The following NPHP4 variants were observed in gnomAD, a reference collection of about 807,000 sequenced individuals.
The protein encoded by NPHP4 is nephrocystin-4.
NPHP4 carries 151 observed loss-of-function variants against 155.8 expected under a neutral mutation model. That is an observed-to-expected ratio of 0.97 (90% CI 0.85 to 1.11). The LOEUF is 1.11. Among genes scored for constraint, NPHP4 ranks in the 50% least tolerant of loss-of-function variants. NPHP4 has a pLI of 0.00. For synonymous variants in NPHP4, 845 were observed against 816.8 expected, an observed-to-expected ratio of 1.03 and a Z score of -0.59; for missense variants, 1,956 against 1,925.7, an observed-to-expected ratio of 1.02 and a Z score of -0.29.
chr1:5,865,558 C>CCT (rs1641133271), intron 26 of NPHP4: 1 of 368,524 alleles, frequency 2.7e-6, no homozygotes, highest in African/African-American at 2.0e-5. Flanking sequence ...AACCACATGT[C>CCT]AAACAAATGA....
intron 6 of NPHP4, among the ~76,000 whole-genome samples, chr1:5,960,600 G>A (rs905465): frequency 1.2e-3 from 189 of 152,096 alleles, no homozygotes; most frequent in African/African-American, 4.2e-3. Flanking sequence ...CAAGACACCC[G>A]AGGTTCTGGT....
At chr1:5,884,181 C>T (rs557364945) in intron 18 of NPHP4, among the ~76,000 whole-genome samples, 1 of 152,174 alleles carries the variant, frequency 6.6e-6, no homozygotes, top group Admixed American at 6.5e-5. Context: ...CGCACCAACA[C>T]GTTTGCTGCA....
intron 23 of NPHP4, among the ~76,000 whole-genome samples, 156 bp downstream of exon 23, chr1:5,873,096 C>G (rs1009788645): frequency 6.6e-6 from 1 of 152,152 alleles, no homozygotes; most frequent in African/African-American, 2.4e-5. Context: ...CCCTGCCCAG[C>G]GAGGACACGG....
chr1:5,888,406 T>C, intron 17 of NPHP4: 1 of 1,086,712 alleles, frequency 9.2e-7, no homozygotes, highest in African/African-American at 1.7e-5. Context: ...ATTTTGTAAT[T>C]CTCCAGTTTC....
rs560944258 is a variant in NPHP4, at chr1:5,865,160, C to T, written c.3758G>A (p.Arg1253Gln). ...GQLTRLSLVL[R>Q]GTQTVRKVRA... ...CACTTTCCTCACTGTCTGTGTCCCC[C>T]GAAGGACAAGGGACAGGCGGGTCAG... The change falls in exon 27 of 30, where the codon CGG becomes CAG. Residue 1253 changes from arginine to glutamine, a missense_variant. Physicochemically the swap from Arg to Gln is conservative, Grantham distance 43. Transcript: ENST00000378156. The T allele has an allele frequency of 1.8e-4, 296 of 1,613,646 alleles. 5 individuals carry two copies. The South Asian group carries it at 2.9e-3, about 16-fold the overall frequency.
intron 20 of NPHP4, among the ~76,000 whole-genome samples, chr1:5,875,316 T>C (rs1202118041): frequency 2.0e-4 from 28 of 143,424 alleles, no homozygotes; most frequent in Non-Finnish European, 6.0e-5. Flanking sequence ...ATCTGCTGGC[T>C]GTGTCCCTGA....
chr1:5,949,660 C>G (rs1647565041), intron 7 of NPHP4, among the ~76,000 whole-genome samples: 1 of 151,840 alleles, frequency 6.6e-6, no homozygotes, highest in African/African-American at 2.4e-5. Flanking sequence ...CAGAGGACCC[C>G]GTCCAGACCT....
intron 25 of NPHP4, 63 bp downstream of exon 25, chr1:5,866,967 G>T: frequency 7.7e-7 from 1 of 1,291,836 alleles, no homozygotes; most frequent in Non-Finnish European, 1.1e-6. Flanking sequence ...CCGTGGGGAA[G>T]CCGACAGGGG....
chr1:5,875,047 G>A lies in NPHP4; in HGVS notation c.2871C>T (p.Ala957=), dbSNP rs748561999. ...QHLRDLQVIA[A]YRERTKAESI... ...TCTCGGCCTTCGTGCGTTCCCGGTA[G>A]GCGGCGATGACCTGTAGGTCCCGCA... is the stretch of plus-strand genomic sequence containing the variant. Residue 957 remains alanine (A), a synonymous_variant, in exon 21 of 30, where the codon GCC becomes GCT. Transcript: ENST00000378156. 1.6e-5 allele frequency: 25 copies of A among 1,608,520 alleles called. No homozygotes were observed. In the East Asian group the frequency reaches 4.0e-4, roughly 26 times the overall value.
chr1:5,895,297 C>T (rs900094361), intron 16 of NPHP4, among the ~76,000 whole-genome samples: 4 of 150,498 alleles, frequency 2.7e-5, no homozygotes, highest in African/African-American at 9.9e-5. Flanking sequence ...CAAACCTGCA[C>T]GTTGGGCACG....
At chr1:5,902,237 G>C (rs1455805874) in intron 16 of NPHP4, among the ~76,000 whole-genome samples, 1 of 152,202 alleles carries the variant, frequency 6.6e-6, no homozygotes, top group Non-Finnish European at 1.5e-5. Flanking sequence ...CTGCCCACAG[G>C]AGAGAATGCA....
intron 23 of NPHP4, chr1:5,868,178 A>C: frequency 2.0e-6 from 1 of 498,414 alleles, no homozygotes; most frequent in Non-Finnish European, 3.8e-6. Context: ...CACTTCTTAA[A>C]TGCCAGTGGA....
chr1:5,942,913 CG>C (rs535178735), intron 9 of NPHP4, among the ~76,000 whole-genome samples: 198 of 152,322 alleles, frequency 1.3e-3, no homozygotes, highest in African/African-American at 4.4e-3. Context: ...AGACATGAAA[CG>C]CAGCCAAGAC....
intron 18 of NPHP4, chr1:5,880,664 G>A: frequency 4.9e-6 from 1 of 204,922 alleles, no homozygotes; most frequent in Non-Finnish European, 1.0e-5. Context: ...CACACCCAGG[G>A]TGAAAGAGCC....
At chr1:5,907,050 C>T in intron 13 of NPHP4, 65 bp downstream of exon 13, 2 of 997,636 alleles carry the variant, frequency 2.0e-6, no homozygotes, top group Non-Finnish European at 2.9e-6. Flanking sequence ...GTGCAAAAAC[C>T]CAAAATGAGG....
intron 5 of NPHP4, among the ~76,000 whole-genome samples, chr1:5,965,797 TAGTCTACGG>T (rs1651389790): frequency 6.6e-6 from 1 of 152,158 alleles, no homozygotes. Context: ...CTCTTCTGGA[TAGTCTACGG>T]AGGGCATGCA....
chr1:5,927,586 C>T lies in NPHP4; in HGVS notation c.1441+63G>A, dbSNP rs569643298. The T allele has an allele frequency of 4.1e-5, 63 of 1,525,822 alleles. No individual in the cohort carries two copies. The African/African-American group carries it at 4.6e-4, about 11-fold the overall frequency. 94.5% of individuals were successfully genotyped at this position (1,525,822 alleles called of 1,614,324 possible). On this transcript the variant is annotated intron_variant, in intron 11 of 29. Coordinates refer to ENST00000378156, the MANE Select transcript of NPHP4 (RefSeq NM_015102.5). ...CCGTACTAGACTAAGTACCTTTCCC[C>T]GGGAAGAGATGGAAGTGCTGCCTGC... is the stretch of plus-strand genomic sequence containing the variant.
intron 11 of NPHP4, among the ~76,000 whole-genome samples, chr1:5,920,233 A>C (rs977459312): frequency 6.6e-6 from 1 of 151,762 alleles, no homozygotes; most frequent in African/African-American, 2.4e-5. Flanking sequence ...GCCCGGCCTT[A>C]AGTTTTTTGT....
At chr1:5,977,653 C>G (rs1486127070) in intron 3 of NPHP4, among the ~76,000 whole-genome samples, 5 of 150,844 alleles carry the variant, frequency 3.3e-5, no homozygotes, top group African/African-American at 1.2e-4. Flanking sequence ...GTGCAGTGAA[C>G]CACAGAGACA....
Sources: allele counts gnomAD v4.1 joint callset (sites outside exome capture counted in the v4.1 genomes callset), GRCh38; gene constraint gnomAD v4.1.1; transcripts MANE v1.5; gene names NCBI Gene and HGNC (gene_info 2026-07-23, HGNC 2026-07-21).